MORC1: variants seen among roughly 807,000 people sequenced by gnomAD.
MORC1 encodes the protein MORC family CW-type zinc finger protein 1.
In MORC1, 59 loss-of-function variants were observed where a neutral mutation model predicts 134.9. The observed-to-expected ratio is 0.44, with a 90% CI of 0.35 to 0.54. The LOEUF (loss-of-function observed/expected upper bound fraction) is 0.54, where lower values mean the gene tolerates loss of function less well. Ranked by LOEUF, MORC1 falls within the 20% of genes least tolerant of loss-of-function variation. The pLI, the probability that MORC1 is intolerant of heterozygous loss-of-function variation, is 0.00. For missense variants in MORC1, 947 were observed against 1,134.5 expected, an observed-to-expected ratio of 0.83 and a Z score of 2.37; for synonymous variants, 395 against 391.7, an observed-to-expected ratio of 1.01 and a Z score of -0.10.
At chr3:109,073,990 T>C (rs139122884) in intron 8 of MORC1, among the ~76,000 whole-genome samples, 1 of 152,304 alleles carries the variant, frequency 6.6e-6, no homozygotes, top group East Asian at 1.9e-4. Context: ...AAGCAGCACA[T>C]TAGAACAATT....
At chr3:109,072,934 A>AACACACACACACACACACACACACAC (rs58749136) in intron 8 of MORC1, among the ~76,000 whole-genome samples, 3 of 144,746 alleles carry the variant, frequency 2.1e-5, no homozygotes, top group African/African-American at 8.1e-5. Flanking sequence ...AATCTCCCTC[A>AACACACACACACACACACACACACAC]ACACACACAC....
chr3:109,026,886 T>C (rs1268639991), intron 17 of MORC1, among the ~76,000 whole-genome samples: 1 of 152,188 alleles, frequency 6.6e-6, no homozygotes, highest in Non-Finnish European at 1.5e-5. Flanking sequence ...AGCTCTGGTT[T>C]CTTTGGTTGT....
In MORC1 at chr3:109,106,414, C is replaced by A. The variant is rs535167682; in HGVS notation, c.155-2497G>T. On this transcript the variant is annotated intron_variant, in intron 3 of 27. Transcript: ENST00000232603. ...AGGAATTAGAGACAAATAAGTATAG[C>A]CTCAAAATTTAATAATCCCCCATTA... Among the ~76,000 whole-genome samples, 3 of 152,186 alleles carry A rather than the reference C, an allele frequency of 2.0e-5. No individual in the cohort carries two copies. In the East Asian group the frequency reaches 5.8e-4, roughly 29 times the overall value.
intron 24 of MORC1, among the ~76,000 whole-genome samples, chr3:108,976,176 A>C (rs1407505435): frequency 6.6e-6 from 1 of 152,180 alleles, no homozygotes; most frequent in Non-Finnish European, 1.5e-5. Context: ...TTTTTAATTA[A>C]TTGTTAGCAT....
chr3:109,117,945 A>G, intron 1 of MORC1, 50 bp downstream of exon 1: 1 of 1,461,598 alleles, frequency 6.8e-7, no homozygotes, highest in Non-Finnish European at 9.4e-7. Context: ...ACCTTTCTTC[A>G]TGGCGGGCGC....
chr3:109,024,098 C>T (rs956856925), intron 17 of MORC1, among the ~76,000 whole-genome samples: 2 of 152,142 alleles, frequency 1.3e-5, no homozygotes, highest in African/African-American at 4.8e-5. Flanking sequence ...TGAATTTGAG[C>T]TCTCCTATTA....
rs757313668 is a variant in MORC1, at chr3:109,069,618, G to A, written c.815+14C>T. 3 of 1,553,566 alleles carry A rather than the reference G, an allele frequency of 1.9e-6. No individual in the cohort carries two copies. The Admixed American group carries it at 5.5e-5, about 28-fold the overall frequency. On this transcript the variant is annotated intron_variant, in intron 9 of 27. Transcript: ENST00000232603. Reference sequence around the variant, plus strand: ...TAAAAACTCTGTGAAGATAACTGAAGAAAGATGAGTTACCTGGGTCTGTAG... The same window carrying A: ...TAAAAACTCTGTGAAGATAACTGAAAAAAGATGAGTTACCTGGGTCTGTAG...
At chr3:109,001,825 A>T (rs1948411979) in intron 20 of MORC1, among the ~76,000 whole-genome samples, 1 of 152,180 alleles carries the variant, frequency 6.6e-6, no homozygotes, top group Admixed American at 6.5e-5. Flanking sequence ...ATCCAGACTC[A>T]TGTATATGAC....
chr3:108,967,760 G>A (rs1947261627), intron 26 of MORC1, among the ~76,000 whole-genome samples: 1 of 152,090 alleles, frequency 6.6e-6, no homozygotes, highest in South Asian at 2.1e-4. Context: ...GGCTAAGCCA[G>A]GAGGACTGCT....
Position 108,963,780 on chromosome 3 carries a change from T to C in MORC1, c.2605-172A>G, listed in dbSNP as rs150397155. 5.2e-3 allele frequency among the ~76,000 whole-genome samples: 795 copies of C among 152,332 alleles called. 19 individuals carry two copies. The highest frequency in any genetic ancestry group is 0.018 in the African/African-American group (766 of 41,566). ...CTTAAGGAACTTACATACACTCTGA[T>C]AGAAGACTAAGAGAGAAGAGAAAAA... On this transcript the variant is annotated intron_variant, in intron 26 of 27. Transcript: ENST00000232603.
At chr3:108,976,447 A>G (rs949562922) in intron 24 of MORC1, among the ~76,000 whole-genome samples, 1 of 152,218 alleles carries the variant, frequency 6.6e-6, no homozygotes, top group African/African-American at 2.4e-5. Context: ...TAAATTCAAG[A>G]AATTACATGT....
intron 23 of MORC1, among the ~76,000 whole-genome samples, chr3:108,983,238 C>T (rs1222182022): frequency 6.6e-6 from 1 of 152,078 alleles, no homozygotes; most frequent in Non-Finnish European, 1.5e-5. Flanking sequence ...CTTATTTAAT[C>T]AACAAATATT....
chr3:108,964,710 T>C (rs1018350410), intron 26 of MORC1, among the ~76,000 whole-genome samples: 4 of 152,194 alleles, frequency 2.6e-5, no homozygotes, highest in African/African-American at 9.6e-5. Flanking sequence ...GTACAGTCTT[T>C]GCCCTCAAGA....
At chr3:109,005,609 C>T (rs1948520237) in intron 18 of MORC1, among the ~76,000 whole-genome samples, 1 of 152,186 alleles carries the variant, frequency 6.6e-6, no homozygotes, top group South Asian at 2.1e-4. Flanking sequence ...TAGAGGTTCG[C>T]TTGCCTTTGG....
intron 12 of MORC1, 102 bp from the exon 13 acceptor site, chr3:109,057,588 T>C (rs551771441): frequency 9.0e-7 from 1 of 1,109,806 alleles, no homozygotes; most frequent in South Asian, 2.3e-5. Context: ...GTCAAAGGCA[T>C]ATATCCAAAT....
chr3:109,093,974 T>C (rs982545530), intron 7 of MORC1, among the ~76,000 whole-genome samples: 4 of 152,204 alleles, frequency 2.6e-5, no homozygotes, highest in African/African-American at 7.2e-5. Context: ...TCATACACTA[T>C]AGCAGGTGCT....
intron 8 of MORC1, among the ~76,000 whole-genome samples, chr3:109,080,610 A>G (rs1188757344): frequency 6.6e-6 from 1 of 152,252 alleles, no homozygotes; most frequent in Non-Finnish European, 1.5e-5. Flanking sequence ...GAACCAACGT[A>G]TAAGTGTGCC....
chr3:109,070,185 A>C (rs1950286860), intron 8 of MORC1, among the ~76,000 whole-genome samples: 5 of 152,242 alleles, frequency 3.3e-5, no homozygotes, highest in Admixed American at 3.3e-4. Context: ...TAAACAGAGA[A>C]ATACAGTAAA....
At chr3:109,035,666 G>A (rs1949363527) in intron 14 of MORC1, among the ~76,000 whole-genome samples, 198 bp from the exon 15 acceptor site, 1 of 152,024 alleles carries the variant, frequency 6.6e-6, no homozygotes, top group African/African-American at 2.4e-5. Context: ...TTCTGCTTTA[G>A]TCTTTTTACA....
Sources: allele counts gnomAD v4.1 joint callset (sites outside exome capture counted in the v4.1 genomes callset), GRCh38; gene constraint gnomAD v4.1.1; transcripts MANE v1.5; gene names NCBI Gene and HGNC (gene_info 2026-07-23, HGNC 2026-07-21).